Variants in CACNA1I observed in about 807,000 individuals in gnomAD.
CACNA1I encodes voltage-dependent T-type calcium channel subunit alpha-1I.
A neutral mutation model predicts 201.6 loss-of-function variants in CACNA1I; 74 were observed. The observed-to-expected ratio is 0.37, with a 90% CI of 0.30 to 0.45. The LOEUF (loss-of-function observed/expected upper bound fraction) is 0.45, where lower values mean the gene tolerates loss of function less well. Ranked by LOEUF, CACNA1I falls within the 20% of genes least tolerant of loss-of-function variation. CACNA1I has a pLI of 1.00. For synonymous variants in CACNA1I, 1,431 were observed against 1,345.2 expected, an observed-to-expected ratio of 1.06 and a Z score of -1.40; for missense variants, 2,346 against 3,138.1, an observed-to-expected ratio of 0.75 and a Z score of 6.03.
At chr22:39,590,191 C>T (rs982615656) in intron 1 of CACNA1I, among the ~76,000 whole-genome samples, 3 of 152,236 alleles carry the variant, frequency 2.0e-5, no homozygotes, top group East Asian at 1.9e-4. Flanking sequence ...AGCATAGTGG[C>T]TTCCCTGGTG....
rs1935962621 is a variant in CACNA1I, at chr22:39,689,070, G to A, written c.*2665G>A. 1 of 152,754 alleles carries A rather than the reference G, an allele frequency of 6.5e-6. No individual in the cohort carries two copies. The highest frequency in any genetic ancestry group is 2.4e-5 in the African/African-American group (1 of 41,458). The allele number at this position is 152,754 out of a possible 1,614,324, so 9.5% of individuals were successfully genotyped here. Reference sequence around the variant, plus strand: ...GCCCTTCCTTCCTCCCCAACCCTGTGGTCTGGGGCCATGGCCTCAGGCTTG... The same window carrying A: ...GCCCTTCCTTCCTCCCCAACCCTGTAGTCTGGGGCCATGGCCTCAGGCTTG... On this transcript the variant is annotated 3_prime_UTR_variant, in exon 37 of 37. Coordinates refer to ENST00000402142, the MANE Select transcript of CACNA1I (RefSeq NM_021096.4).
At position 39,619,363 on chromosome 22, in the gene CACNA1I, C is replaced by T; in HGVS notation, c.536C>T (p.Thr179Ile). 6.2e-7 allele frequency: 1 copy of T among 1,609,912 alleles called. No individual in the cohort carries two copies. ...AACATCAACCTGTCAGCCATCCGCA[C>T]CGTGCGCGTCCTGAGGCCCCTCAAA... ...LQNINLSAIRTVRVLRPLKAI... is the reference protein window; with the variant it reads ...LQNINLSAIRIVRVLRPLKAI... The change falls in exon 4 of 37, where the codon ACC (threonine) becomes ATC (isoleucine). Residue 179 changes from threonine to isoleucine, a missense_variant. Transcript: ENST00000402142.
Position 39,656,344 on chromosome 22 carries a change from C to G in CACNA1I, c.1993-1808C>G, listed in dbSNP as rs541851441. ...CTCTGCTCTCCCACCTCCCAGCCAG[C>G]TGGGTCCTCCACCTGCACACCCTTC... On this transcript the variant is annotated intron_variant, in intron 10 of 36. Coordinates refer to ENST00000402142, the MANE Select transcript of CACNA1I (RefSeq NM_021096.4). The G allele has an allele frequency of 2.6e-3, 1,341 of 509,636 alleles. 6 individuals carry two copies. Among genetic ancestry groups the G allele is most frequent in the Non-Finnish European group, 3.6e-3 (912 of 254,816 alleles). The allele number at this position is 509,636 out of a possible 1,614,324, so 31.6% of individuals were successfully genotyped here.
intron 1 of CACNA1I, among the ~76,000 whole-genome samples, chr22:39,579,023 C>T (rs1231302880): frequency 2.0e-5 from 3 of 152,230 alleles, no homozygotes; most frequent in Non-Finnish European, 4.4e-5. Flanking sequence ...CCTCCTCAGC[C>T]CTACGTGGGC....
In CACNA1I at chr22:39,659,721, G is replaced by A. The variant is rs199827082; in HGVS notation, c.2473G>A (p.Val825Ile). The change falls in exon 14 of 37, where the codon GTC becomes ATC. Residue 825 changes from valine (V) to isoleucine (I), a missense_variant. Physicochemically the swap from Val to Ile is conservative, Grantham distance 29. Coordinates refer to ENST00000402142, the MANE Select transcript of CACNA1I (RefSeq NM_021096.4). The surrounding 1 kb of genome is among the most constrained non-coding windows in gnomAD (Gnocchi z 4.3). Reference sequence around the variant, plus strand: ...GATCCTCACCCAGGAGGACTGGAACGTCGTTCTCTACAATGGCATGGCCTC... The same window carrying A: ...GATCCTCACCCAGGAGGACTGGAACATCGTTCTCTACAATGGCATGGCCTC... ...FQILTQEDWNVVLYNGMASTS... is the reference protein window; with the variant it reads ...FQILTQEDWNIVLYNGMASTS... The A allele has an allele frequency of 3.8e-5, 61 of 1,613,786 alleles. No homozygotes were observed. The Middle Eastern group carries it at 9.9e-4, about 26-fold the overall frequency.
Position 39,604,063 on chromosome 22 carries a change from C to T in CACNA1I, c.482+3410C>T, listed in dbSNP as rs566355554. 3.9e-5 allele frequency among the ~76,000 whole-genome samples: 6 copies of T among 152,184 alleles called. No homozygotes were observed. In the South Asian group the frequency reaches 6.2e-4, roughly 16 times the overall value. On this transcript the variant is annotated intron_variant, in intron 3 of 36. Transcript: ENST00000402142. ...TAAATTATGCTTCAAAATGACATTG[C>T]GAGAAATAGTGCCCTCCTTTTGCCG...
intron 5 of CACNA1I, among the ~76,000 whole-genome samples, chr22:39,636,442 C>T (rs1304888174): frequency 1.3e-5 from 2 of 152,256 alleles, no homozygotes; most frequent in Non-Finnish European, 2.9e-5. Context: ...TCCCTCTGAG[C>T]TCCTGGCTTC....
At chr22:39,621,731 C>T (rs918952038) in intron 4 of CACNA1I, among the ~76,000 whole-genome samples, 8 of 150,830 alleles carry the variant, frequency 5.3e-5, no homozygotes, top group African/African-American at 1.7e-4. Flanking sequence ...GTTTGGGAGG[C>T]GAGGTAGGGC....
chr22:39,672,627 GA>G (rs1425185157), intron 27 of CACNA1I, among the ~76,000 whole-genome samples: 1 of 152,302 alleles, frequency 6.6e-6, no homozygotes, highest in East Asian at 1.9e-4. Flanking sequence ...GAAGTTGATG[GA>G]CTAGCCTAAG....
At chr22:39,598,037 A>T in intron 1 of CACNA1I, 114 bp from the exon 2 acceptor site, 1 of 656,366 alleles carries the variant, frequency 1.5e-6, no homozygotes, top group Non-Finnish European at 2.8e-6. Flanking sequence ...GAGAAGAATG[A>T]GGAATGGGGT....
chr22:39,630,339 A>T (rs1342198682), intron 4 of CACNA1I, among the ~76,000 whole-genome samples: 1 of 152,124 alleles, frequency 6.6e-6, no homozygotes, highest in African/African-American at 2.4e-5. Flanking sequence ...TTATTTATTT[A>T]TTGCCTGCTT....
chr22:39,681,035 G>A lies in CACNA1I; in HGVS notation c.5647G>A (p.Gly1883Ser). 1 of 1,609,920 alleles carries A rather than the reference G, an allele frequency of 6.2e-7. No homozygotes were observed. The highest frequency in any genetic ancestry group is 2.2e-5 in the East Asian group (1 of 44,788). Residue 1883 changes from glycine to serine, a missense_variant, in exon 34 of 37, where the codon GGC becomes AGC. By Grantham distance (56) the Gly-to-Ser change is moderately conservative. Around this residue, in one of 13 missense-constraint regions of CACNA1I, gnomAD observed 441 missense variants for 555.6 expected, o/e 0.79. Transcript: ENST00000402142. ...CGAGGACCCCACAGCCTGCCCACCT[G>A]GCCGCAAAGACAGCAAGGTCAGCTC... Reference protein sequence around the residue: ...SLEDPTACPPGRKDSKGELDP... With the variant: ...SLEDPTACPPSRKDSKGELDP...
chr22:39,672,740 C>G (rs1052709841), intron 27 of CACNA1I, among the ~76,000 whole-genome samples: 3 of 152,142 alleles, frequency 2.0e-5, no homozygotes, highest in African/African-American at 7.2e-5. Context: ...CCTGATCAGC[C>G]CCTTGCTTGA....
chr22:39,663,710 C>CAGCCCCCGG lies in CACNA1I; in HGVS notation c.3474-8_3474-7insAGCCCCCGG. ...GACGCTCAGGCAGCCCCCGCCCACC[C>CAGCCCCCGG]TGCCCAGGTTCCGGGTCCTGTGTCA... On this transcript the variant is annotated splice_region_variant and splice_polypyrimidine_tract_variant and intron_variant, in intron 18 of 36. Transcript: ENST00000402142. 4 of 1,579,490 alleles carry CAGCCCCCGG rather than the reference C, an allele frequency of 2.5e-6. No individual in the cohort carries two copies. Among genetic ancestry groups the CAGCCCCCGG allele is most frequent in the East Asian group, 2.2e-5 (1 of 44,534 alleles).
intron 1 of CACNA1I, among the ~76,000 whole-genome samples, chr22:39,580,847 C>T (rs777418832): frequency 4.6e-5 from 7 of 152,288 alleles, no homozygotes; most frequent in Non-Finnish European, 7.4e-5. Context: ...CAATGGATAC[C>T]GATGGATGGA....
Position 39,662,339 on chromosome 22 carries a change from G to T in CACNA1I, c.3276G>T (p.Glu1092Asp). 7 of 1,486,238 alleles carry T rather than the reference G, an allele frequency of 4.7e-6. No homozygotes were observed. The South Asian group carries it at 7.9e-5, about 17-fold the overall frequency. The allele number at this position is 1,486,238 out of a possible 1,614,324, so 92.1% of individuals were successfully genotyped here. A position where few individuals can be genotyped will look rare whatever the true frequency, so the allele number is the denominator to read the frequency against. Residue 1092 changes from glutamate to aspartate, a missense_variant, in exon 17 of 37, where the codon GAG becomes GAT. By Grantham distance (45) the Glu-to-Asp change is conservative. Around this residue, in one of 13 missense-constraint regions of CACNA1I, gnomAD observed 288 missense variants for 255.2 expected, o/e 1.13. Transcript: ENST00000402142. ...WRAAGPAPGHEDCNGRMPSIA... is the reference protein window; with the variant it reads ...WRAAGPAPGHDDCNGRMPSIA... Reference sequence around the variant, plus strand: ...CGGCAGGCCCGGCCCCCGGGCATGAGGACTGCAATGGCAGGATGCCCAGCA... The same window carrying T: ...CGGCAGGCCCGGCCCCCGGGCATGATGACTGCAATGGCAGGATGCCCAGCA...
At chr22:39,617,622 G>A (rs970447443) in intron 3 of CACNA1I, among the ~76,000 whole-genome samples, 1 of 152,106 alleles carries the variant, frequency 6.6e-6, no homozygotes, top group Non-Finnish European at 1.5e-5. Context: ...GTGTCTCCCG[G>A]CTGCCTGGAG....
rs777749971 is a variant in CACNA1I at position 39,677,754 on chromosome 22, C to T, written c.4934-233C>T. ...GGGCTGGCCCTCACCCCATTTCACCCTCTTTCTCAGAAACCCATTCTTCGG... is the reference window on the plus strand; with the variant it reads ...GGGCTGGCCCTCACCCCATTTCACCTTCTTTCTCAGAAACCCATTCTTCGG... On this transcript the variant is annotated intron_variant, in intron 30 of 36. Transcript: ENST00000402142. The surrounding 1 kb of genome is among the most constrained non-coding windows in gnomAD (Gnocchi z 4.8). Among the ~76,000 whole-genome samples, 18 of 152,228 alleles carry T rather than the reference C, an allele frequency of 1.2e-4. No individual in the cohort carries two copies. The highest frequency in any genetic ancestry group is 2.2e-4 in the Non-Finnish European group (15 of 68,036).
rs1230792774 is a variant in CACNA1I at position 39,629,564 on chromosome 22, G to A, written c.581-5001G>A. Among the ~76,000 whole-genome samples, 6 of 134,314 alleles carry A rather than the reference G, an allele frequency of 4.5e-5. No individual in the cohort carries two copies. Among genetic ancestry groups the A allele is most frequent in the Admixed American group, 7.5e-5 (1 of 13,384 alleles). The allele number at this position is 134,314 out of a possible 152,430, so 88.1% of individuals were successfully genotyped here. On this transcript the variant is annotated intron_variant, in intron 4 of 36. Coordinates refer to ENST00000402142, the MANE Select transcript of CACNA1I (RefSeq NM_021096.4). The surrounding 1 kb of genome is among the most constrained non-coding windows in gnomAD (Gnocchi z 4.8). ...GCAGGGCCAGGCAGGACGGAGAGGAGCAGGGGGACGGAAGGCCCAATCATC... is the reference window on the plus strand; with the variant it reads ...GCAGGGCCAGGCAGGACGGAGAGGAACAGGGGGACGGAAGGCCCAATCATC...
Sources: allele counts gnomAD v4.1 joint callset (sites outside exome capture counted in the v4.1 genomes callset), GRCh38; gene constraint gnomAD v4.1.1; regional missense constraint gnomAD v4.1.1; non-coding constraint Gnocchi (gnomAD v3.1); transcripts MANE v1.5; gene names NCBI Gene and HGNC (gene_info 2026-07-23, HGNC 2026-07-21).